Variants in FSTL4 observed in about 807,000 individuals in gnomAD.
The protein encoded by FSTL4 is follistatin like 4.
FSTL4 carries 28 observed loss-of-function variants against 78.2 expected under a neutral mutation model. That is an observed-to-expected ratio of 0.36 (90% CI 0.27 to 0.49). FSTL4 has a LOEUF of 0.49. Ranked by LOEUF, FSTL4 falls within the 20% of genes least tolerant of loss-of-function variation. FSTL4 has a pLI of 0.98. For synonymous variants in FSTL4, 422 were observed against 440.5 expected (o/e 0.96, Z 0.53); for missense variants, 922 against 1,084.9 (o/e 0.85, Z 2.11).
the FSTL4 span, among the ~76,000 whole-genome samples, chr5:133,659,968 A>G: frequency 6.6e-6 from 1 of 152,240 alleles, no homozygotes; most frequent in East Asian, 1.9e-4. Context: ...CAGAACAAAA[A>G]GAGACAGAGA....
chr5:133,740,110 G>A, the FSTL4 span, among the ~76,000 whole-genome samples: 10 of 152,074 alleles, frequency 6.6e-5, no homozygotes, highest in South Asian at 8.3e-4. Context: ...CTCAAGAGTC[G>A]TGCACTCAAG....
At chr5:133,422,672 G>A (rs771331700) in intron 3 of FSTL4, among the ~76,000 whole-genome samples, 23 of 152,138 alleles carry the variant, frequency 1.5e-4, no homozygotes, top group Non-Finnish European at 3.2e-4. Flanking sequence ...AGAAATGGAA[G>A]ATTTTAAAGT....
chr5:133,275,952 A>G (rs913930742), intron 6 of FSTL4: 4 of 152,184 alleles, frequency 2.6e-5, no homozygotes, highest in African/African-American at 9.7e-5. Flanking sequence ...TGTCCCATTA[A>G]ATTAATGTTG....
chr5:133,796,178 C>T, the FSTL4 span, among the ~76,000 whole-genome samples: 4 of 152,206 alleles, frequency 2.6e-5, no homozygotes, highest in Non-Finnish European at 4.4e-5. Context: ...TGAACCCCCA[C>T]GCAGGACATG....
At chr5:133,821,110 A>G in the FSTL4 span, among the ~76,000 whole-genome samples, 1 of 152,254 alleles carries the variant, frequency 6.6e-6, no homozygotes, top group Non-Finnish European at 1.5e-5. Context: ...AAAGTCCACA[A>G]GGAGGTAAGG....
the FSTL4 span, among the ~76,000 whole-genome samples, chr5:133,646,975 T>G: frequency 6.6e-6 from 1 of 152,132 alleles, no homozygotes; most frequent in Non-Finnish European, 1.5e-5. Context: ...TCACCTAGAT[T>G]TAATCACTCT....
the FSTL4 span, among the ~76,000 whole-genome samples, chr5:133,627,431 G>A: frequency 6.6e-6 from 1 of 152,120 alleles, no homozygotes; most frequent in African/African-American, 2.4e-5. Flanking sequence ...CAGTATGGGG[G>A]AGATCACTTT....
chr5:133,305,610 C>A (rs1033515077), intron 6 of FSTL4, among the ~76,000 whole-genome samples: 1 of 152,326 alleles, frequency 6.6e-6, no homozygotes, highest in Admixed American at 6.5e-5. Context: ...CCTCTCTACC[C>A]GCTGCCTCTC....
intron 6 of FSTL4, among the ~76,000 whole-genome samples, chr5:133,261,611 C>A (rs574734501): frequency 6.6e-6 from 1 of 152,242 alleles, no homozygotes; most frequent in South Asian, 2.1e-4. Context: ...AATCCCAGCA[C>A]TTTGGGAGGC....
chr5:133,638,122 C>T, the FSTL4 span, among the ~76,000 whole-genome samples: 5 of 152,056 alleles, frequency 3.3e-5, no homozygotes, highest in Admixed American at 2.0e-4. Context: ...TGGCTCTTCT[C>T]TTTCTCTCAC....
chr5:133,782,410 C>T, the FSTL4 span, among the ~76,000 whole-genome samples: 5,210 of 152,342 alleles, frequency 0.034, 252 homozygotes, highest in African/African-American at 0.11. Context: ...GTGGGGCTGT[C>T]GTTTTCTGTC....
the FSTL4 span, among the ~76,000 whole-genome samples, chr5:133,842,018 T>C: frequency 3.9e-5 from 6 of 152,162 alleles, no homozygotes; most frequent in Admixed American, 1.3e-4. Context: ...TGTGCCTTTC[T>C]CTCCTGTCTC....
intron 3 of FSTL4, among the ~76,000 whole-genome samples, chr5:133,559,663 C>T (rs1278821423): frequency 6.6e-6 from 1 of 152,200 alleles, no homozygotes; most frequent in Non-Finnish European, 1.5e-5. Context: ...CTAAGGAGAC[C>T]GCTAGGCAAG....
chr5:133,644,114 G>A, the FSTL4 span, among the ~76,000 whole-genome samples: 1 of 152,116 alleles, frequency 6.6e-6, no homozygotes, highest in Non-Finnish European at 1.5e-5. Context: ...CCTTCCCAGG[G>A]CCACAGGGAT....
the FSTL4 span, among the ~76,000 whole-genome samples, chr5:133,621,130 G>A: frequency 6.6e-6 from 1 of 152,232 alleles, no homozygotes; most frequent in African/African-American, 2.4e-5. Context: ...GCCGGGCTTG[G>A]TGGCTCATGC....
intron 7 of FSTL4, among the ~76,000 whole-genome samples, chr5:133,237,561 C>T (rs1359315093): frequency 6.6e-6 from 1 of 152,066 alleles, no homozygotes; most frequent in African/African-American, 2.4e-5. Flanking sequence ...GGCTTCAGCT[C>T]GGAGGAGAAG....
chr5:133,665,349 G>T, the FSTL4 span, among the ~76,000 whole-genome samples: 1 of 152,268 alleles, frequency 6.6e-6, no homozygotes, highest in African/African-American at 2.4e-5. Flanking sequence ...CTTCCATCTT[G>T]TTATAGAAAG....
the FSTL4 span, among the ~76,000 whole-genome samples, chr5:133,814,369 T>G: frequency 6.6e-6 from 1 of 152,174 alleles, no homozygotes. Context: ...TCTTGGAAAC[T>G]GAATCGGGCA....
chr5:133,366,380 T>C (rs940969727), intron 4 of FSTL4, among the ~76,000 whole-genome samples: 5 of 152,282 alleles, frequency 3.3e-5, no homozygotes, highest in Admixed American at 2.6e-4. Context: ...GTTCATGTGT[T>C]TATTCTCTGT....
Sources: allele counts gnomAD v4.1 joint callset (sites outside exome capture counted in the v4.1 genomes callset), GRCh38; gene constraint gnomAD v4.1.1; transcripts MANE v1.5; gene names NCBI Gene and HGNC (gene_info 2026-07-23, HGNC 2026-07-21).